The following SP3 variants were observed in gnomAD, a reference collection of about 807,000 sequenced individuals.
SP3 encodes the protein Sp3 transcription factor.
In SP3, 10 loss-of-function variants were observed where a neutral mutation model predicts 70.3. The ratio of observed to expected loss-of-function variants is 0.14; its 90% CI spans 0.09 to 0.24. The LOEUF (loss-of-function observed/expected upper bound fraction) is 0.24. Among genes scored for constraint, SP3 ranks in the 10% least tolerant of loss-of-function variants. The pLI is 1.00. For missense variants in SP3, 825 were observed against 914.6 expected (o/e 0.90, Z 1.26); for synonymous variants, 402 against 333.5 (o/e 1.21, Z -2.24).
chr2:173,924,482 G>C (rs1689852133), intron 4 of SP3, among the ~76,000 whole-genome samples: 1 of 152,192 alleles, frequency 6.6e-6, no homozygotes, highest in Non-Finnish European at 1.5e-5. Context: ...TCTCTCCAAT[G>C]ATGAATATGA....
chr2:173,964,053 G>T, intron 2 of SP3, 170 bp from the exon 3 acceptor site: 1 of 343,046 alleles, frequency 2.9e-6, no homozygotes, highest in Non-Finnish European at 5.2e-6. Context: ...CCCGCCGCCA[G>T]CCCACGCCTG....
chr2:173,961,606 G>C (rs1348782837), intron 3 of SP3, among the ~76,000 whole-genome samples: 1 of 152,148 alleles, frequency 6.6e-6, no homozygotes, highest in Non-Finnish European at 1.5e-5. Flanking sequence ...GCTGGATGAA[G>C]GGTATGAGAT....
intron 6 of SP3, among the ~76,000 whole-genome samples, chr2:173,911,632 C>T (rs188677686): frequency 4.6e-5 from 7 of 152,218 alleles, no homozygotes; most frequent in Admixed American, 3.9e-4. Flanking sequence ...TGATCATTGA[C>T]CTTTTTCTCC....
chr2:173,904,730 G>A lies in SP3; in HGVS notation c.*5211C>T, dbSNP rs1411036440. On this transcript the variant is annotated 3_prime_UTR_variant, in exon 7 of 7. Transcript: ENST00000310015. Reference sequence around the variant, plus strand: ...ATTTCTGAACAGCTCCTCACGGAAGGTGGCAGAAAGTAATGCTCAGAGAAG... The same window carrying A: ...ATTTCTGAACAGCTCCTCACGGAAGATGGCAGAAAGTAATGCTCAGAGAAG... Among the ~76,000 whole-genome samples the A allele has an allele frequency of 6.6e-6, 1 of 152,210 alleles. No homozygotes were observed. The highest frequency in any genetic ancestry group is 1.5e-5 in the Non-Finnish European group (1 of 68,036).
At chr2:173,951,321 C>T (rs748008490) in intron 4 of SP3, among the ~76,000 whole-genome samples, 12 of 152,152 alleles carry the variant, frequency 7.9e-5, no homozygotes, top group Non-Finnish European at 1.6e-4. Context: ...ACATTACTGA[C>T]GTTCACAAAA....
intron 4 of SP3, among the ~76,000 whole-genome samples, chr2:173,943,063 A>G (rs899008937): frequency 1.3e-5 from 2 of 152,126 alleles, no homozygotes; most frequent in Non-Finnish European, 2.9e-5. Flanking sequence ...GGAGTATCCT[A>G]GAACCAATGC....
intron 3 of SP3, among the ~76,000 whole-genome samples, chr2:173,961,943 T>G (rs770914608): frequency 0.038 from 5,653 of 150,334 alleles, 196 homozygotes; most frequent in Admixed American, 0.1. Context: ...GGGTTTTTTT[T>G]TTTTTTTTTT....
chr2:173,961,695 C>T (rs1691083520), intron 3 of SP3, among the ~76,000 whole-genome samples: 1 of 152,154 alleles, frequency 6.6e-6, no homozygotes, highest in African/African-American at 2.4e-5. Flanking sequence ...ACAGCTATAA[C>T]CTCTCATAAT....
chr2:173,942,104 T>C (rs1486384488), intron 4 of SP3, among the ~76,000 whole-genome samples: 3 of 152,250 alleles, frequency 2.0e-5, no homozygotes, highest in African/African-American at 7.2e-5. Flanking sequence ...TCTACTAAGT[T>C]AGAAATTCTT....
intron 2 of SP3, 166 bp from the exon 3 acceptor site, chr2:173,964,049 G>A (rs532068954): frequency 4.5e-5 from 17 of 373,758 alleles, no homozygotes; most frequent in East Asian, 2.6e-4. Context: ...TGGTCCCGCC[G>A]CCAGCCCACG....
At chr2:173,927,275 TC>T (rs1559095735) in intron 4 of SP3, among the ~76,000 whole-genome samples, 1 of 149,860 alleles carries the variant, frequency 6.7e-6, no homozygotes, top group Non-Finnish European at 1.5e-5. Flanking sequence ...CAACTATATA[TC>T]TTTTTTTTTT....
chr2:173,964,013 TCTCCTCCTCCTCCTC>T (rs533817433), intron 2 of SP3, 130 bp from the exon 3 acceptor site: 8 of 466,220 alleles, frequency 1.7e-5, no homozygotes, highest in Non-Finnish European at 2.5e-5. Flanking sequence ...CAGCCCGCGC[TCTCCTCCTCCTCCTC>T]CTCCTCCTCC....
chr2:173,947,847 T>A (rs535382146), intron 4 of SP3, among the ~76,000 whole-genome samples: 2 of 152,296 alleles, frequency 1.3e-5, no homozygotes, highest in African/African-American at 4.8e-5. Context: ...GCCCCAAAAC[T>A]CATATATAAC....
In SP3 at chr2:173,964,466, TCGCCGTGGCCGCCGC is replaced by T. The variant is rs1383907488; in HGVS notation, c.80_94del (p.Gly27_Gly31del). 1 of 708,392 alleles carries T rather than the reference TCGCCGTGGCCGCCGC, an allele frequency of 1.4e-6. No homozygotes were observed. Among genetic ancestry groups the T allele is most frequent in the Non-Finnish European group, 2.6e-6 (1 of 384,416 alleles). The allele number at this position is 708,392 out of a possible 1,614,324, so 43.9% of individuals were successfully genotyped here. On this transcript the variant is annotated inframe_deletion, in exon 2 of 7. Transcript: ENST00000310015. ...GTGCTGTTGCTGCTGCTGCAGATAC[TCGCCGTGGCCGCCGC>T]CGCCGCCACCGCCGCCGCCGCTATC...
Position 173,960,392 on chromosome 2 carries a change from AC to A in SP3, c.279+3368del, listed in dbSNP as rs987432042. ...AGGAAAGGAAGGAGTATAACTGGAA[AC>A]AAGAACAGGTGTGAAGCTGAGGTGG... On this transcript the variant is annotated intron_variant, in intron 3 of 6. Coordinates refer to ENST00000310015, the MANE Select transcript of SP3 (RefSeq NM_003111.5). Among the ~76,000 whole-genome samples, 107 of 152,350 alleles carry A rather than the reference AC, an allele frequency of 7.0e-4. 1 individual carries two copies. Among genetic ancestry groups the A allele is most frequent in the African/African-American group, 2.5e-3 (105 of 41,580 alleles).
chr2:173,962,669 A>G (rs531259845), intron 3 of SP3, among the ~76,000 whole-genome samples: 7 of 152,310 alleles, frequency 4.6e-5, no homozygotes, highest in African/African-American at 1.7e-4. Context: ...ATACCTGGAC[A>G]TACTAAGCAT....
chr2:173,913,155 T>C lies in SP3; in HGVS notation c.1944A>G (p.Glu648=), dbSNP rs943765323. The change falls in exon 6 of 7, where the codon GAA becomes GAG. Residue 648 remains glutamate (E), a synonymous_variant. Transcript: ENST00000310015. ...LRAHLRWHSG[E]RPFVCNWMYC... is the part of the protein sequence containing the mutation. ...ACATCCAGTTACAAACAAAAGGGCG[T>C]TCTCCAGAATGCCAACGCAGATGAG... is the stretch of plus-strand genomic sequence containing the variant. 1 of 1,613,608 alleles carries C rather than the reference T, an allele frequency of 6.2e-7. No homozygotes were observed. The highest frequency in any genetic ancestry group is 8.5e-7 in the Non-Finnish European group (1 of 1,179,770).
chr2:173,931,745 T>C (rs1690073804), intron 4 of SP3, among the ~76,000 whole-genome samples: 1 of 152,216 alleles, frequency 6.6e-6, no homozygotes, highest in African/African-American at 2.4e-5. Flanking sequence ...CTTTATGTTA[T>C]GGAAACAGTT....
At chr2:173,965,015 G>A (rs566961604) in intron 1 of SP3, 150 bp downstream of exon 1, 2 of 978,984 alleles carry the variant, frequency 2.0e-6, no homozygotes, top group Admixed American at 2.9e-5. Flanking sequence ...GGAGGGGAGG[G>A]AGGCGCAGGG....
Sources: gnomAD v4.1 joint callset for allele counts (sites outside exome capture counted in the v4.1 genomes callset) on GRCh38, gnomAD v4.1.1 for gene constraint, MANE v1.5 for transcripts, NCBI Gene and HGNC (gene_info 2026-07-23, HGNC 2026-07-21) for gene names.